PCDHA2: variants seen among roughly 807,000 people sequenced by gnomAD.
PCDHA2 encodes the protein protocadherin alpha 2, also known as protocadherin alpha-2.
In PCDHA2, 58 loss-of-function variants were observed where a neutral mutation model predicts 66.0. That is an observed-to-expected ratio of 0.88 (90% CI 0.71 to 1.09). The LOEUF (loss-of-function observed/expected upper bound fraction) is 1.09, where lower values mean the gene tolerates loss of function less well. PCDHA2 is among the 50% of genes least tolerant of loss of function. The pLI, the probability that PCDHA2 is intolerant of heterozygous loss-of-function variation, is 0.00. For synonymous variants in PCDHA2, 634 were observed against 554.0 expected, an observed-to-expected ratio of 1.14 and a Z score of -2.03; for missense variants, 1,267 against 1,242.3, an observed-to-expected ratio of 1.02 and a Z score of -0.30.
intron 1 of PCDHA2, chr5:140,849,556 C>T: frequency 6.3e-7 from 1 of 1,598,518 alleles, no homozygotes; most frequent in Non-Finnish European, 8.6e-7. Context: ...ACTATCAAAA[C>T]GCTCTCGGTT....
intron 1 of PCDHA2, chr5:140,875,939 G>A (rs2055971750): frequency 6.2e-7 from 1 of 1,614,158 alleles, no homozygotes; most frequent in Non-Finnish European, 8.5e-7. Flanking sequence ...CCTCTAGAGG[G>A]CGCTTCTGAT....
intron 1 of PCDHA2, among the ~76,000 whole-genome samples, chr5:140,949,849 G>A (rs1381006146): frequency 5.9e-5 from 9 of 151,472 alleles, no homozygotes; most frequent in Admixed American, 2.0e-4. Flanking sequence ...TTCTGTTTCC[G>A]CTTATCTGTT....
chr5:140,831,524 T>G lies in PCDHA2; in HGVS notation c.2388+34172T>G, dbSNP rs1771606843. ...GAGCACCACCATGCCCCCCACCTTT[T>G]TTTTTTTTTTTTTTTTTTTTAAGAG... On this transcript the variant is annotated intron_variant, in intron 1 of 3. Coordinates refer to ENST00000526136, the MANE Select transcript of PCDHA2 (RefSeq NM_018905.3). Among the ~76,000 whole-genome samples, 5 of 26,740 alleles carry G rather than the reference T, an allele frequency of 1.9e-4. No individual in the cohort carries two copies. The South Asian group carries it at 4.8e-3, about 26-fold the overall frequency. 17.5% of individuals were successfully genotyped at this position (26,740 alleles called of 152,430 possible).
chr5:140,896,074 A>C (rs1251086240), intron 1 of PCDHA2, among the ~76,000 whole-genome samples: 1 of 151,976 alleles, frequency 6.6e-6, no homozygotes, highest in African/African-American at 2.4e-5. Context: ...GCCTCCCAAC[A>C]TGCTGGGATT....
intron 1 of PCDHA2, chr5:140,803,057 C>G (rs782603015): frequency 6.2e-7 from 1 of 1,613,884 alleles, no homozygotes; most frequent in African/African-American, 1.3e-5. Flanking sequence ...GTGCGCGCAT[C>G]CCGTTTCGCG....
Position 140,797,371 on chromosome 5 carries a change from C to A in PCDHA2, c.2388+19C>A, listed in dbSNP as rs1762219904. On this transcript the variant is annotated intron_variant, in intron 1 of 3. Coordinates refer to ENST00000526136, the MANE Select transcript of PCDHA2 (RefSeq NM_018905.3). ...AGGAAAGGTGAGTCTTTTACTTTTT[C>A]TTGCCAATTCTAAAATTGTTCTTTT... The A allele has an allele frequency of 1.2e-6, 2 of 1,605,614 alleles. No individual in the cohort carries two copies. The highest frequency in any genetic ancestry group is 1.3e-5 in the African/African-American group (1 of 74,648).
intron 1 of PCDHA2, among the ~76,000 whole-genome samples, chr5:140,798,486 G>T (rs1350961126): frequency 2.0e-5 from 3 of 152,142 alleles, no homozygotes; most frequent in Non-Finnish European, 4.4e-5. Flanking sequence ...TTTAAGTGGA[G>T]ACTACCCAGT....
rs147906609 is a variant in PCDHA2 at position 140,848,609 on chromosome 5, A to G, written c.2388+51257A>G. The G allele has an allele frequency of 2.9e-3, 4,585 of 1,584,560 alleles. 516 individuals carry two copies. Among genetic ancestry groups the G allele is most frequent in the Middle Eastern group, 0.01 (58 of 5,734 alleles). On this transcript the variant is annotated intron_variant, in intron 1 of 3. Coordinates refer to ENST00000526136, the MANE Select transcript of PCDHA2 (RefSeq NM_018905.3). ...AGCTCCACTACTCCGTCCCGGAGGAAGCCGAACACGGCACCTTCGTGGGCC... is the reference window on the plus strand; with the variant it reads ...AGCTCCACTACTCCGTCCCGGAGGAGGCCGAACACGGCACCTTCGTGGGCC...
intron 1 of PCDHA2, chr5:140,861,660 G>A: frequency 3.7e-6 from 1 of 269,190 alleles, no homozygotes; most frequent in Non-Finnish European, 7.4e-6. Context: ...TCTGAAACGA[G>A]AGCTCTTGAT....
intron 1 of PCDHA2, chr5:140,843,511 C>T: frequency 6.3e-7 from 1 of 1,595,668 alleles, no homozygotes; most frequent in Non-Finnish European, 8.6e-7. Context: ...CCACTGAGGG[C>T]GGGTGCCGGG....
rs1002466846 is a variant in PCDHA2, at chr5:140,853,169, G to A, written c.2388+55817G>A. The A allele has an allele frequency of 8.3e-6, 8 of 959,586 alleles. No individual in the cohort carries two copies. The African/African-American group carries it at 8.9e-5, about 11-fold the overall frequency. The allele number at this position is 959,586 out of a possible 1,614,324, so 59.4% of individuals were successfully genotyped here. On this transcript the variant is annotated intron_variant, in intron 1 of 3. Coordinates refer to ENST00000526136, the MANE Select transcript of PCDHA2 (RefSeq NM_018905.3). Reference sequence around the variant, plus strand: ...GCTGGGATTACAGGCGTGAGCCACCGCGCCTGGCCTAAAATGTGTTCTTTA... The same window carrying A: ...GCTGGGATTACAGGCGTGAGCCACCACGCCTGGCCTAAAATGTGTTCTTTA...
intron 1 of PCDHA2, chr5:140,856,334 G>A: frequency 1.3e-6 from 2 of 1,598,614 alleles, no homozygotes; most frequent in Non-Finnish European, 1.7e-6. Context: ...GGAGCTGTGC[G>A]GGCGGAGCGT....
At chr5:140,849,264 A>T (rs2150433927) in intron 1 of PCDHA2, 1 of 1,131,868 alleles carries the variant, frequency 8.8e-7, no homozygotes, top group East Asian at 2.6e-5. Context: ...AAACGTTTCT[A>T]TCGGAACGCT....
intron 1 of PCDHA2, among the ~76,000 whole-genome samples, chr5:140,947,178 C>T (rs1356075084): frequency 6.6e-6 from 1 of 151,188 alleles, no homozygotes. Context: ...GGTATATATT[C>T]ATGGTATACT....
At chr5:140,985,945 T>C (rs1432402407) in intron 3 of PCDHA2, among the ~76,000 whole-genome samples, 1 of 152,080 alleles carries the variant, frequency 6.6e-6, no homozygotes, top group Non-Finnish European at 1.5e-5. Flanking sequence ...TTCACTGTGT[T>C]AGCCAGGATG....
At position 140,795,340 on chromosome 5, in the gene PCDHA2, A is replaced by G. The variant is rs373905526; in HGVS notation, c.376A>G (p.Ile126Val). ...VFHVEVEVKD[I>V]NDNPPIFPMT... The stretch of plus-strand genomic sequence containing the variant: ...CCATGTGGAAGTGGAGGTGAAGGAC[A>G]TTAACGACAACCCGCCAATATTTCC... The change falls in exon 1 of 4, where the codon ATT becomes GTT. Residue 126 changes from isoleucine to valine, a missense_variant. Transcript: ENST00000526136. 4.8e-5 allele frequency: 78 copies of G among 1,614,094 alleles called. No homozygotes were observed. The highest frequency in any genetic ancestry group is 6.6e-5 in the Non-Finnish European group (78 of 1,180,042).
At chr5:140,951,672 T>C (rs1242247980) in intron 1 of PCDHA2, among the ~76,000 whole-genome samples, 1 of 152,114 alleles carries the variant, frequency 6.6e-6, no homozygotes, top group Non-Finnish European at 1.5e-5. Flanking sequence ...GCCTACAAAA[T>C]TGGGGATTAC....
At chr5:140,966,695 C>CGGGCGTG in intron 1 of PCDHA2, 1 of 1,358,486 alleles carries the variant, frequency 7.4e-7, no homozygotes, top group Non-Finnish European at 9.5e-7. Flanking sequence ...AGGCGGGGCC[C>CGGGCGTG]GGGCGTGGGG....
chr5:140,938,226 A>G lies in PCDHA2; in HGVS notation c.2389-40723A>G, dbSNP rs529190111. On this transcript the variant is annotated intron_variant, in intron 1 of 3. Transcript: ENST00000526136. ...CTCCCAAAGTGCTGGGATTACAGGC[A>G]TAGGCCACCATGCCTGGTCTTTTAA... Among the ~76,000 whole-genome samples the G allele has an allele frequency of 3.3e-5, 5 of 152,330 alleles. No individual in the cohort carries two copies. In the South Asian group the frequency reaches 1.0e-3, roughly 32 times the overall value.
Sources: allele counts gnomAD v4.1 joint callset (sites outside exome capture counted in the v4.1 genomes callset), GRCh38; gene constraint gnomAD v4.1.1; transcripts MANE v1.5; gene names NCBI Gene and HGNC (gene_info 2026-07-23, HGNC 2026-07-21).